Variants in ZNF516 observed in about 807,000 individuals in gnomAD.
ZNF516 encodes zinc finger protein 516.
Under a neutral mutation model 79.7 loss-of-function variants are expected in ZNF516, and 19 were observed. The observed-to-expected ratio is 0.24, with a 90% CI of 0.17 to 0.35. The LOEUF (loss-of-function observed/expected upper bound fraction) is 0.35, where lower values mean the gene tolerates loss of function less well. Ranked by LOEUF, ZNF516 falls within the 10% of genes least tolerant of loss-of-function variation. ZNF516 has a pLI of 1.00. For missense variants in ZNF516, 1,678 were observed against 1,679.5 expected (o/e 1.00, Z 0.02); for synonymous variants, 877 against 739.5 (o/e 1.19, Z -3.02).
rs1038999984 is a variant in ZNF516 at position 76,438,366 on chromosome 18, A to T, written c.1810+2879T>A. On this transcript the variant is annotated intron_variant, in intron 3 of 6. Transcript: ENST00000443185. ...CTCCCTGAGCCTACTTGTGTTTGGGAATGTTGGAAATGTTGATTTTTACAA... is the reference window on the plus strand; with the variant it reads ...CTCCCTGAGCCTACTTGTGTTTGGGTATGTTGGAAATGTTGATTTTTACAA... 1.2e-4 allele frequency among the ~76,000 whole-genome samples: 18 copies of T among 152,178 alleles called. 1 individual carries two copies. The highest frequency in any genetic ancestry group is 2.4e-5 in the African/African-American group (1 of 41,438).
intron 3 of ZNF516, among the ~76,000 whole-genome samples, chr18:76,423,883 TTCCCCC>T (rs2075548905): frequency 1.0e-5 from 1 of 100,270 alleles, no homozygotes; most frequent in African/African-American, 4.1e-5. Flanking sequence ...GGTGAAAAGG[TTCCCCC>T]GAAACACACG....
At chr18:76,489,152 G>T (rs1915009931) in intron 1 of ZNF516, among the ~76,000 whole-genome samples, 1 of 152,152 alleles carries the variant, frequency 6.6e-6, no homozygotes. Context: ...CTTTTTAAAA[G>T]ATTCCTTCTC....
In ZNF516 at chr18:76,371,570, C is replaced by T. The variant is rs577826799; in HGVS notation, c.3261G>A (p.Gly1087=). The change falls in exon 5 of 7, where the codon GGG becomes GGA. Residue 1087 remains glycine (G), a splice_region_variant and synonymous_variant. Transcript: ENST00000443185. ...CTGGCCGGGCCTGCGTCCGGAGTGT[C>T]CCTGCGGTGGCGAGGTGGTGGTGGT... ...GVSGPGLEHR[G]TLRTQARPGE... 491 of 1,608,996 alleles carry T rather than the reference C, an allele frequency of 3.1e-4. 1 individual carries two copies. Among genetic ancestry groups the T allele is most frequent in the South Asian group, 2.2e-3 (197 of 90,808 alleles).
intron 2 of ZNF516, among the ~76,000 whole-genome samples, chr18:76,450,540 C>G (rs759948143): frequency 9.2e-5 from 14 of 152,056 alleles, no homozygotes; most frequent in Admixed American, 2.6e-4. Flanking sequence ...AGAGGCTTGC[C>G]CAAAGCCATT....
rs3752096 is a variant in ZNF516 at position 76,443,104 on chromosome 18, G to A, written c.-50C>T. 15,043 of 1,528,116 alleles carry A rather than the reference G, an allele frequency of 9.8e-3. 117 individuals carry two copies. Among genetic ancestry groups the A allele is most frequent in the African/African-American group, 0.038 (2,756 of 72,248 alleles). 94.7% of individuals were successfully genotyped at this position (1,528,116 alleles called of 1,614,324 possible). A position where few individuals can be genotyped will look rare whatever the true frequency, so the allele number is the denominator to read the frequency against. ...TGGCGGCACAGCTTTCTGTCGCGCGGGCTGCAGGGACCGTCCTATCTCTCC... is the reference window on the plus strand; with the variant it reads ...TGGCGGCACAGCTTTCTGTCGCGCGAGCTGCAGGGACCGTCCTATCTCTCC... On this transcript the variant is annotated 5_prime_UTR_variant, in exon 3 of 7. Transcript: ENST00000443185.
At chr18:76,443,817 A>G (rs1370460584) in intron 2 of ZNF516, among the ~76,000 whole-genome samples, 2 of 152,222 alleles carry the variant, frequency 1.3e-5, no homozygotes, top group African/African-American at 4.8e-5. Context: ...CCTAGGCTGT[A>G]TGGTGAAGCC....
intron 3 of ZNF516, among the ~76,000 whole-genome samples, chr18:76,401,689 G>A (rs1222459979): frequency 7.2e-6 from 1 of 138,926 alleles, no homozygotes; most frequent in African/African-American, 2.7e-5. Flanking sequence ...CGGCCTCCCA[G>A]TCAGTTCCTT....
intron 3 of ZNF516, among the ~76,000 whole-genome samples, chr18:76,430,657 T>G (rs1263978595): frequency 6.6e-6 from 1 of 152,224 alleles, no homozygotes; most frequent in Non-Finnish European, 1.5e-5. Context: ...AATTATCATT[T>G]TAAGTGATAC....
At chr18:76,411,296 C>CA (rs2075369987) in intron 3 of ZNF516, among the ~76,000 whole-genome samples, 1 of 152,236 alleles carries the variant, frequency 6.6e-6, no homozygotes, top group African/African-American at 2.4e-5. Context: ...CAAAATGCCT[C>CA]ACTGCACCCC....
chr18:76,392,417 G>T (rs1380743755), intron 3 of ZNF516, among the ~76,000 whole-genome samples: 1 of 152,156 alleles, frequency 6.6e-6, no homozygotes, highest in Non-Finnish European at 1.5e-5. Context: ...GGCAACACAA[G>T]TCACCCAGGA....
intron 3 of ZNF516, among the ~76,000 whole-genome samples, chr18:76,407,436 G>A (rs894678247): frequency 1.3e-5 from 2 of 152,116 alleles, no homozygotes; most frequent in African/African-American, 4.8e-5. Flanking sequence ...AAAGAAGAGG[G>A]GGGGAGTGGA....
At chr18:76,491,617 C>G (rs1249069614) in intron 1 of ZNF516, 5 of 362,230 alleles carry the variant, frequency 1.4e-5, no homozygotes, top group African/African-American at 1.2e-4. Flanking sequence ...TCCGCCCCTT[C>G]CCGCCCCGCC....
intron 2 of ZNF516, among the ~76,000 whole-genome samples, chr18:76,444,994 G>A (rs937192045): frequency 6.6e-6 from 1 of 152,194 alleles, no homozygotes; most frequent in Non-Finnish European, 1.5e-5. Context: ...GCAACACAGA[G>A]GTTCTGCTCC....
chr18:76,491,120 G>A (rs1915160312), intron 1 of ZNF516: 3 of 981,052 alleles, frequency 3.1e-6, no homozygotes, highest in Non-Finnish European at 3.6e-6. Flanking sequence ...CCCCACCTCC[G>A]CCAGAACAAA....
chr18:76,376,774 A>C (rs17267921), intron 4 of ZNF516, among the ~76,000 whole-genome samples: 22,894 of 152,166 alleles, frequency 0.15, 1,983 homozygotes, highest in Non-Finnish European at 0.2. Context: ...TTTAGAACCT[A>C]GGGTGCACGC....
At chr18:76,367,342 A>G (rs2074629002) in intron 6 of ZNF516, among the ~76,000 whole-genome samples, 1 of 152,106 alleles carries the variant, frequency 6.6e-6, no homozygotes, top group Non-Finnish European at 1.5e-5. Flanking sequence ...TGCTGCCGGG[A>G]ACCACTAAGC....
rs887274816 is a variant in ZNF516, at chr18:76,378,840, G to A, written c.3259+15C>T. On this transcript the variant is annotated intron_variant, in intron 4 of 6. Coordinates refer to ENST00000443185, the MANE Select transcript of ZNF516 (RefSeq NM_014643.4). ...TCACATGTGGCCTGGGGAAGAGAGG[G>A]CCCGCACATCTTACCTCTGTGCTCC... is the stretch of plus-strand genomic sequence containing the variant. 9.3e-6 allele frequency: 15 copies of A among 1,605,786 alleles called. No individual in the cohort carries two copies. The highest frequency in any genetic ancestry group is 6.7e-5 in the Admixed American group (4 of 59,688).
At chr18:76,378,567 G>C (rs1039940643) in intron 4 of ZNF516, among the ~76,000 whole-genome samples, 1 of 152,242 alleles carries the variant, frequency 6.6e-6, no homozygotes, top group Non-Finnish European at 1.5e-5. Flanking sequence ...CAGCAGGAAG[G>C]AAGCCGTGCA....
At position 76,441,869 on chromosome 18, in the gene ZNF516, C is replaced by T. The variant is rs1480736202; in HGVS notation, c.1186G>A (p.Asp396Asn). The stretch of plus-strand genomic sequence containing the variant: ...CCGGCCTGCGTGCCAGGGCACGAGT[C>T]GCCGGCCGCCGACGGCCTCAGGTTC... Reference protein sequence around the residue: ...CLNLRPSAAGDSCPGTQAGRR... With the variant: ...CLNLRPSAAGNSCPGTQAGRR... The change falls in exon 3 of 7, where the codon GAC becomes AAC. Residue 396 changes from aspartate (D) to asparagine (N), a missense_variant. Physicochemically the swap from Asp to Asn is conservative, Grantham distance 23. This residue lies in a region of ZNF516 where 1,294 missense variants were observed against 1,248.3 expected (regional missense o/e 1.04). Transcript: ENST00000443185. 1.3e-6 allele frequency: 2 copies of T among 1,581,908 alleles called. No homozygotes were observed. Among genetic ancestry groups the T allele is most frequent in the East Asian group, 2.3e-5 (1 of 43,688 alleles).
Sources: gnomAD v4.1 joint callset for allele counts (sites outside exome capture counted in the v4.1 genomes callset) on GRCh38, gnomAD v4.1.1 for gene constraint, gnomAD v4.1.1 regional missense constraint, MANE v1.5 for transcripts, NCBI Gene and HGNC (gene_info 2026-07-23, HGNC 2026-07-21) for gene names.